CDH18: variants seen among roughly 807,000 people sequenced by gnomAD.
The protein encoded by CDH18 is cadherin 18, also known as cadherin-18.
CDH18 carries 31 observed loss-of-function variants against 67.9 expected under a neutral mutation model. That is an observed-to-expected ratio of 0.46 (90% CI 0.34 to 0.62). The LOEUF is 0.62. Among genes scored for constraint, CDH18 ranks in the 20% least tolerant of loss-of-function variants. The pLI is 0.01. For synonymous variants in CDH18, 362 were observed against 347.2 expected (o/e 1.04, Z -0.48); for missense variants, 890 against 975.5 (o/e 0.91, Z 1.17).
chr5:20,151,342 G>A (rs762051036), intron 2 of CDH18, among the ~76,000 whole-genome samples: 7 of 152,044 alleles, frequency 4.6e-5, no homozygotes, highest in Non-Finnish European at 8.8e-5. Context: ...TGGCTGCATG[G>A]TATTCCATGG....
chr5:20,508,887 T>C (rs1465901409), intron 1 of CDH18, among the ~76,000 whole-genome samples: 2 of 152,140 alleles, frequency 1.3e-5, no homozygotes, highest in Non-Finnish European at 2.9e-5. Context: ...TAATAGAAAC[T>C]TAACTACCTA....
chr5:19,563,230 A>T (rs985069814), intron 8 of CDH18, among the ~76,000 whole-genome samples: 1 of 152,230 alleles, frequency 6.6e-6, no homozygotes, highest in Non-Finnish European at 1.5e-5. Context: ...CTACAAAAAG[A>T]AAGTTTTCAG....
At chr5:19,669,755 A>G (rs776724925) in intron 5 of CDH18, among the ~76,000 whole-genome samples, 64 of 152,182 alleles carry the variant, frequency 4.2e-4, no homozygotes, top group Non-Finnish European at 7.4e-4. Context: ...ATACCCAGCA[A>G]TGACTTTACT....
intron 2 of CDH18, among the ~76,000 whole-genome samples, chr5:20,011,880 A>G (rs1737468744): frequency 6.6e-6 from 1 of 152,036 alleles, no homozygotes; most frequent in Admixed American, 6.6e-5. Flanking sequence ...TTCATCAAGG[A>G]TATTGGCCTA....
intron 7 of CDH18, among the ~76,000 whole-genome samples, chr5:19,576,827 G>A (rs571736694): frequency 1.3e-4 from 19 of 151,928 alleles, no homozygotes; most frequent in African/African-American, 4.6e-4. Flanking sequence ...GACAAGATAT[G>A]GAAAAAAACA....
chr5:20,327,770 G>T (rs1738743210), intron 1 of CDH18, among the ~76,000 whole-genome samples: 1 of 152,046 alleles, frequency 6.6e-6, no homozygotes, highest in Non-Finnish European at 1.5e-5. Context: ...GTCCTCATTG[G>T]GAATGTGACC....
rs558749275 is a variant in CDH18, at chr5:20,410,224, C to A, written c.-579-154719G>T. Among the ~76,000 whole-genome samples the A allele has an allele frequency of 1.9e-4, 29 of 151,736 alleles. No homozygotes were observed. In the East Asian group the frequency reaches 5.2e-3, roughly 27 times the overall value. ...CAATATACTAGAATTAATACACATA[C>A]AAAAGTCTTCAACAAAGTGCTAGCA... On this transcript the variant is annotated intron_variant, in intron 1 of 14. Transcript: ENST00000507958.
chr5:19,660,863 C>T (rs954872980), intron 5 of CDH18, among the ~76,000 whole-genome samples: 2 of 151,854 alleles, frequency 1.3e-5, no homozygotes, highest in African/African-American at 2.4e-5. Flanking sequence ...ATGTAGCCAC[C>T]TGGACTTCTG....
chr5:20,044,550 A>G (rs886984198), intron 2 of CDH18, among the ~76,000 whole-genome samples: 13 of 152,266 alleles, frequency 8.5e-5, no homozygotes, highest in African/African-American at 2.4e-4. Context: ...TAAGCATTGC[A>G]TTCCACTTGT....
In CDH18 at chr5:19,832,118, A is replaced by G. The variant is rs550582454; in HGVS notation, c.228+6641T>C. On this transcript the variant is annotated intron_variant, in intron 3 of 12. Coordinates refer to ENST00000382275, the MANE Select transcript of CDH18 (RefSeq NM_004934.5). ...GACTACAAGCGGGGGTGAAGTAGAA[A>G]GGGGAGGAAGGGTTGAAAAACTACC... Among the ~76,000 whole-genome samples, 3 of 152,186 alleles carry G rather than the reference A, an allele frequency of 2.0e-5. No individual in the cohort carries two copies. In the East Asian group the frequency reaches 5.8e-4, roughly 29 times the overall value.
intron 5 of CDH18, among the ~76,000 whole-genome samples, chr5:19,676,758 G>T (rs773806641): frequency 1.3e-5 from 2 of 151,870 alleles, no homozygotes; most frequent in African/African-American, 4.8e-5. Context: ...CTTCCCAAGG[G>T]CAAGAAGCAC....
chr5:20,542,428 A>G (rs1435206194), intron 1 of CDH18, among the ~76,000 whole-genome samples: 1 of 151,634 alleles, frequency 6.6e-6, no homozygotes, highest in Non-Finnish European at 1.5e-5. Context: ...ATAGTATATA[A>G]ATACATAGCA....
intron 2 of CDH18, among the ~76,000 whole-genome samples, chr5:20,062,338 G>A (rs113777412): frequency 0.02 from 3,024 of 151,866 alleles, 47 homozygotes; most frequent in African/African-American, 0.033. Context: ...ATTTTTAGCA[G>A]ACATGGGGTT....
In CDH18 at chr5:19,721,453, T is replaced by C. The variant is rs1350696152; in HGVS notation, c.537A>G (p.Leu179=). Reference sequence around the variant, plus strand: ...CATCTGCATCAGTAGCTGTCACCTGTAGAACAGAGGTACCTGTGCATTCAG... The same window carrying C: ...CATCTGCATCAGTAGCTGTCACCTGCAGAACAGAGGTACCTGTGCATTCAG... ...PEMSDMGTSV[L]QVTATDADDP... The change falls in exon 5 of 13, where the codon CTA becomes CTG. Residue 179 remains leucine (L), a synonymous_variant. Transcript: ENST00000382275. 6.2e-7 allele frequency: 1 copy of C among 1,611,272 alleles called. No individual in the cohort carries two copies. Among genetic ancestry groups the C allele is most frequent in the Non-Finnish European group, 8.5e-7 (1 of 1,177,900 alleles).
intron 2 of CDH18, among the ~76,000 whole-genome samples, chr5:20,139,092 A>G (rs1324554240): frequency 6.6e-6 from 1 of 152,190 alleles, no homozygotes; most frequent in Non-Finnish European, 1.5e-5. Flanking sequence ...TAACCAAAAC[A>G]GCATGACACT....
At chr5:20,504,504 A>G (rs918959009) in intron 1 of CDH18, among the ~76,000 whole-genome samples, 1 of 152,170 alleles carries the variant, frequency 6.6e-6, no homozygotes. Flanking sequence ...GAAAGACTCC[A>G]TGAACTCGTT....
chr5:19,625,399 T>G (rs1751385572), intron 5 of CDH18, among the ~76,000 whole-genome samples: 1 of 152,072 alleles, frequency 6.6e-6, no homozygotes, highest in African/African-American at 2.4e-5. Context: ...TGCTGTGCCC[T>G]CATTGCCTAA....
At position 19,986,440 on chromosome 5, in the gene CDH18, C is replaced by T. The variant is rs143005698; in HGVS notation, c.-376+1646G>A. Among the ~76,000 whole-genome samples the T allele has an allele frequency of 3.9e-5, 6 of 152,310 alleles. 1 individual carries two copies. Among genetic ancestry groups the T allele is most frequent in the South Asian group, 4.1e-4 (2 of 4,832 alleles). ...AATAGCCAATGCTCATTTTCTACCT[C>T]CCATTGTTTTCAGAGAGGCAATCAA... On this transcript the variant is annotated intron_variant, in intron 1 of 12. Coordinates refer to ENST00000382275, the MANE Select transcript of CDH18 (RefSeq NM_004934.5).
intron 1 of CDH18, among the ~76,000 whole-genome samples, chr5:20,407,838 T>C (rs1162104642): frequency 6.6e-6 from 1 of 151,992 alleles, no homozygotes; most frequent in African/African-American, 2.4e-5. Context: ...AGAAAACTTA[T>C]TCAAATTGAT....
Sources: allele counts gnomAD v4.1 joint callset (sites outside exome capture counted in the v4.1 genomes callset), GRCh38; gene constraint gnomAD v4.1.1; transcripts MANE v1.5; gene names NCBI Gene and HGNC (gene_info 2026-07-23, HGNC 2026-07-21).